CD36: variants seen among roughly 807,000 people sequenced by gnomAD.
The protein encoded by CD36 is platelet glycoprotein 4.
Under a neutral mutation model 55.2 loss-of-function variants are expected in CD36, and 119 were observed. The observed-to-expected ratio is 2.15, with a 90% confidence interval of 1.86 to 2.51. The LOEUF is 2.51. Ranked by LOEUF, CD36 falls within the 30% of genes most tolerant of loss-of-function variation. The pLI is 0.00. For missense variants in CD36, 819 were observed against 555.5 expected (o/e 1.47, Z -4.77); for synonymous variants, 186 against 193.6 (o/e 0.96, Z 0.33).
rs879809454 is a variant in CD36, at chr7:80,672,056, A to G, written c.1125+16A>G. Reference sequence around the variant, plus strand: ...TATTGAACCTGTAAGAAAACACCTTATTGATCTGATTTGGTTGATATTTTT... The same window carrying G: ...TATTGAACCTGTAAGAAAACACCTTGTTGATCTGATTTGGTTGATATTTTT... On this transcript the variant is annotated intron_variant, in intron 11 of 14. Coordinates refer to ENST00000447544, the MANE Select transcript of CD36 (RefSeq NM_001001548.3). 6.3e-7 allele frequency: 1 copy of G among 1,582,428 alleles called. No individual in the cohort carries two copies. Among genetic ancestry groups the G allele is most frequent in the Non-Finnish European group, 8.7e-7 (1 of 1,154,064 alleles).
At position 80,669,284 on chromosome 7, in the gene CD36, A is replaced by G. The variant is rs530883206; in HGVS notation, c.749-669A>G. 2.3e-4 allele frequency among the ~76,000 whole-genome samples: 35 copies of G among 152,314 alleles called. 1 individual carries two copies. The highest frequency in any genetic ancestry group is 8.2e-4 in the African/African-American group (34 of 41,582). ...ACAATAGCAGCCGCCAGCCATATGT[A>G]ACTGTTAAGGACTCAAAATCTGGCT... On this transcript the variant is annotated intron_variant, in intron 8 of 14. Transcript: ENST00000447544.
chr7:80,655,689 C>T (rs1795994801), intron 3 of CD36, among the ~76,000 whole-genome samples: 1 of 152,076 alleles, frequency 6.6e-6, no homozygotes, highest in Admixed American at 6.6e-5. Flanking sequence ...CAGTGGCTCA[C>T]ACCTGTAATT....
intron 8 of CD36, 66 bp from the exon 9 acceptor site, chr7:80,669,887 A>G: frequency 9.6e-7 from 1 of 1,041,098 alleles, no homozygotes; most frequent in Admixed American, 1.7e-5. Context: ...ACTGGAGGAG[A>G]GATTTCTAGG....
At chr7:80,605,145 A>C (rs1357632550) in intron 1 of CD36, among the ~76,000 whole-genome samples, 1 of 152,166 alleles carries the variant, frequency 6.6e-6, no homozygotes, top group African/African-American at 2.4e-5. Flanking sequence ...ATCTACTTTA[A>C]GACTGAGCCC....
intron 9 of CD36, chr7:80,670,375 C>T (rs1459756027): frequency 6.5e-6 from 2 of 307,540 alleles, no homozygotes; most frequent in Non-Finnish European, 1.2e-5. Context: ...AGATAACACA[C>T]AAGCACTGGA....
chr7:80,668,412 A>T (rs188689583), intron 8 of CD36, among the ~76,000 whole-genome samples: 1 of 152,300 alleles, frequency 6.6e-6, no homozygotes, highest in Admixed American at 6.5e-5. Flanking sequence ...AGCGAAAAGA[A>T]AGTAATAAAA....
chr7:80,637,466 A>C (rs1408441929), upstream of CD36, among the ~76,000 whole-genome samples: 1 of 152,074 alleles, frequency 6.6e-6, no homozygotes, highest in Non-Finnish European at 1.5e-5. Flanking sequence ...TTGAAAAAAA[A>C]GTAATAGACT....
intron 1 of CD36, among the ~76,000 whole-genome samples, chr7:80,639,615 G>A (rs575840664): frequency 2.0e-5 from 3 of 152,056 alleles, no homozygotes; most frequent in South Asian, 2.1e-4. Flanking sequence ...AAATCATCAA[G>A]TAGCATATTG....
intron 5 of CD36, chr7:80,662,565 CT>C: frequency 3.7e-6 from 1 of 272,880 alleles, no homozygotes. Context: ...GCTCCAGCGC[CT>C]TTGGGACCAG....
Position 80,666,500 on chromosome 7 carries a change from T to A in CD36, c.748+11T>A. 6.2e-7 allele frequency: 1 copy of A among 1,601,330 alleles called. No individual in the cohort carries two copies. The highest frequency in any genetic ancestry group is 2.2e-5 in the East Asian group (1 of 44,748). On this transcript the variant is annotated intron_variant, in intron 8 of 14. Transcript: ENST00000447544. Reference sequence around the variant, plus strand: ...TGATTAATGGTACAGGTAAGAATATTTGTTTTGTGGTCATCACAGTTAATC... The same window carrying A: ...TGATTAATGGTACAGGTAAGAATATATGTTTTGTGGTCATCACAGTTAATC...
Position 80,670,042 on chromosome 7 carries a change from A to G in CD36, c.818+20A>G. 1 of 1,500,520 alleles carries G rather than the reference A, an allele frequency of 6.7e-7. No homozygotes were observed. The highest frequency in any genetic ancestry group is 9.3e-7 in the Non-Finnish European group (1 of 1,078,040). 93.0% of individuals were successfully genotyped at this position (1,500,520 alleles called of 1,614,324 possible). The stretch of plus-strand genomic sequence containing the variant: ...TTGCAGGTAAGACAGATACTGAAGT[A>G]TAAGTATGTCTGAGTCAGACCCCAG... On this transcript the variant is annotated intron_variant, in intron 9 of 14. Coordinates refer to ENST00000447544, the MANE Select transcript of CD36 (RefSeq NM_001001548.3).
At chr7:80,611,921 T>G (rs1584268660) in intron 1 of CD36, among the ~76,000 whole-genome samples, 1 of 152,158 alleles carries the variant, frequency 6.6e-6, no homozygotes, top group Non-Finnish European at 1.5e-5. Flanking sequence ...ACATAAAAGG[T>G]CTCATTTTGT....
chr7:80,631,789 A>C (rs1450223228), intron 1 of CD36, among the ~76,000 whole-genome samples: 2 of 151,230 alleles, frequency 1.3e-5, no homozygotes, highest in Non-Finnish European at 3.0e-5. Context: ...TTCCAGAAAA[A>C]CATTTCTGGA....
At chr7:80,658,205 T>G (rs1011038572) in intron 4 of CD36, among the ~76,000 whole-genome samples, 4 of 152,202 alleles carry the variant, frequency 2.6e-5, no homozygotes, top group Non-Finnish European at 5.9e-5. Flanking sequence ...TCTTAAAGTT[T>G]TTATATTATT....
intron 8 of CD36, among the ~76,000 whole-genome samples, chr7:80,667,753 T>TTTTTTTTG (rs1797248941): frequency 1.8e-5 from 2 of 112,894 alleles, no homozygotes; most frequent in African/African-American, 5.8e-5. Context: ...TTTTGTTTTT[T>TTTTTTTTG]TTTTTTTTTT....
At chr7:80,652,432 T>A (rs1328880101) in intron 3 of CD36, among the ~76,000 whole-genome samples, 1 of 152,228 alleles carries the variant, frequency 6.6e-6, no homozygotes, top group Non-Finnish European at 1.5e-5. Context: ...GATGATGATG[T>A]TCTGAAACTA....
At chr7:80,665,369 C>G (rs989495374) in intron 7 of CD36, among the ~76,000 whole-genome samples, 2 of 116,320 alleles carry the variant, frequency 1.7e-5, no homozygotes, top group African/African-American at 5.2e-5. Flanking sequence ...GTGATCAAAA[C>G]CAAAAGAGAT....
At chr7:80,606,702 T>C (rs75152678) in intron 1 of CD36, among the ~76,000 whole-genome samples, 2,592 of 152,286 alleles carry the variant, frequency 0.017, 87 homozygotes, top group African/African-American at 0.059. Flanking sequence ...GGAGATTTGC[T>C]AATCTTTCCT....
chr7:80,666,219 C>A lies in CD36; in HGVS notation c.702-224C>A, dbSNP rs370799762. The stretch of plus-strand genomic sequence containing the variant: ...CAAGATGTTTCTAATTAACACCTGG[C>A]AGTTTTTATTTTATGATCTGGCTAC... On this transcript the variant is annotated intron_variant, in intron 7 of 14. Coordinates refer to ENST00000447544, the MANE Select transcript of CD36 (RefSeq NM_001001548.3). 435 of 483,668 alleles carry A rather than the reference C, an allele frequency of 9.0e-4. 6 individuals are homozygous for A. In the South Asian group the frequency reaches 0.012, roughly 14 times the overall value. The allele number at this position is 483,668 out of a possible 1,614,324, so 30.0% of individuals were successfully genotyped here.
Sources: allele counts gnomAD v4.1 joint callset (sites outside exome capture counted in the v4.1 genomes callset), GRCh38; gene constraint gnomAD v4.1.1; transcripts MANE v1.5; gene names NCBI Gene and HGNC (gene_info 2026-07-23, HGNC 2026-07-21).